The following KCNQ3 variants were observed in gnomAD, a reference collection of about 807,000 sequenced individuals.
KCNQ3 encodes potassium voltage-gated channel subfamily KQT member 3.
A neutral mutation model predicts 92.5 loss-of-function variants in KCNQ3; 30 were observed. The ratio of observed to expected loss-of-function variants is 0.32; its 90% CI spans 0.24 to 0.44. The LOEUF (loss-of-function observed/expected upper bound fraction) is 0.44, where lower values mean the gene tolerates loss of function less well. KCNQ3 is among the 20% of genes least tolerant of loss of function. The pLI, the probability that KCNQ3 is intolerant of heterozygous loss-of-function variation, is 1.00. For synonymous variants in KCNQ3, 450 were observed against 468.8 expected (o/e 0.96, Z 0.52); for missense variants, 913 against 1,140.3 (o/e 0.80, Z 2.87).
intron 12 of KCNQ3, 60 bp from the exon 13 acceptor site, chr8:132,134,448 C>G (rs576601038): frequency 8.9e-7 from 1 of 1,126,564 alleles, no homozygotes; most frequent in Non-Finnish European, 1.3e-6. Context: ...GACAGGAAAA[C>G]AAATCATTCT....
At chr8:132,393,638 A>G (rs1451514908) in intron 1 of KCNQ3, among the ~76,000 whole-genome samples, 1 of 152,156 alleles carries the variant, frequency 6.6e-6, no homozygotes, top group Non-Finnish European at 1.5e-5. Context: ...AAATTTATCA[A>G]TTTACCGCAT....
At chr8:132,345,681 C>T (rs770196222) in intron 1 of KCNQ3, among the ~76,000 whole-genome samples, 5 of 152,200 alleles carry the variant, frequency 3.3e-5, no homozygotes, top group Non-Finnish European at 5.9e-5. Flanking sequence ...CTCATTACCC[C>T]TATCTCTGAA....
intron 1 of KCNQ3, among the ~76,000 whole-genome samples, chr8:132,298,677 G>T (rs1227402940): frequency 1.3e-5 from 2 of 152,322 alleles, no homozygotes; most frequent in East Asian, 1.9e-4. Flanking sequence ...GGAGGCCAAG[G>T]CAGGCGATCA....
intron 1 of KCNQ3, among the ~76,000 whole-genome samples, chr8:132,226,438 G>T (rs2130356186): frequency 6.6e-6 from 1 of 152,166 alleles, no homozygotes. Flanking sequence ...CGTGTGTAGG[G>T]GAGTGGAGGC....
At chr8:132,185,975 T>A in intron 2 of KCNQ3, 116 bp downstream of exon 2, 1 of 787,230 alleles carries the variant, frequency 1.3e-6, no homozygotes, top group Non-Finnish European at 2.3e-6. Context: ...GGCCTGGACT[T>A]GACTGGAGAC....
intron 3 of KCNQ3, among the ~76,000 whole-genome samples, chr8:132,181,902 GGGCACGGT>G (rs1826791268): frequency 1.3e-5 from 2 of 152,010 alleles, no homozygotes; most frequent in African/African-American, 4.8e-5. Flanking sequence ...AAAATTAGCT[GGGCACGGT>G]GGTGGGTGCC....
intron 1 of KCNQ3, among the ~76,000 whole-genome samples, chr8:132,343,055 C>G (rs908472878): frequency 1.3e-5 from 2 of 152,196 alleles, no homozygotes; most frequent in African/African-American, 4.8e-5. Flanking sequence ...TACACTGAAT[C>G]CACAGCACAC....
intron 1 of KCNQ3, among the ~76,000 whole-genome samples, chr8:132,261,136 A>T (rs1389352363): frequency 2.6e-5 from 4 of 152,206 alleles, no homozygotes; most frequent in African/African-American, 9.6e-5. Flanking sequence ...AGAAACTGGG[A>T]CTAAGAATAT....
intron 1 of KCNQ3, among the ~76,000 whole-genome samples, chr8:132,256,350 C>G (rs1023490873): frequency 6.6e-6 from 1 of 151,858 alleles, no homozygotes; most frequent in Non-Finnish European, 1.5e-5. Flanking sequence ...GAATAGAGCC[C>G]TAGAGACCTG....
In KCNQ3 at chr8:132,303,580, G is replaced by A. The variant is rs199674408; in HGVS notation, c.387-117399C>T. ...AAGAAAATGTGATATATATATATAT[G>A]GTGTGTGTGTATATATATATGGTGT... is the stretch of plus-strand genomic sequence containing the variant. On this transcript the variant is annotated intron_variant, in intron 1 of 14. Transcript: ENST00000388996. Among the ~76,000 whole-genome samples, 13 of 17,204 alleles carry A rather than the reference G, an allele frequency of 7.6e-4. 1 individual carries two copies. Among genetic ancestry groups the A allele is most frequent in the Admixed American group, 1.0e-3 (1 of 974 alleles). The allele number at this position is 17,204 out of a possible 152,430, so 11.3% of individuals were successfully genotyped here.
In KCNQ3 at chr8:132,172,589, C is replaced by A; in HGVS notation, c.1140+9G>T. ...AATCCCATTCCAGTTCATTCCCAGG[C>A]AGACAGACCTGAATGAGCTCAGCAG... On this transcript the variant is annotated intron_variant, in intron 7 of 14. Coordinates refer to ENST00000388996, the MANE Select transcript of KCNQ3 (RefSeq NM_004519.4). 2 of 1,611,666 alleles carry A rather than the reference C, an allele frequency of 1.2e-6. No individual in the cohort carries two copies. The highest frequency in any genetic ancestry group is 1.7e-6 in the Non-Finnish European group (2 of 1,177,838).
chr8:132,275,581 CTTTTT>C (rs35090240), intron 1 of KCNQ3, among the ~76,000 whole-genome samples: 11 of 141,506 alleles, frequency 7.8e-5, no homozygotes, highest in Non-Finnish European at 1.7e-4. Context: ...CCAGTGAAAC[CTTTTT>C]TTTTTTTTTT....
At chr8:132,438,452 C>T (rs902744003) in intron 1 of KCNQ3, among the ~76,000 whole-genome samples, 2 of 152,114 alleles carry the variant, frequency 1.3e-5, no homozygotes, top group African/African-American at 4.8e-5. Context: ...CTATTATTTT[C>T]CTGAGGAAGA....
intron 1 of KCNQ3, among the ~76,000 whole-genome samples, chr8:132,442,270 A>G (rs949200967): frequency 1.3e-5 from 2 of 152,132 alleles, no homozygotes; most frequent in African/African-American, 4.8e-5. Context: ...CTTCCTCCAT[A>G]TGTATCTCAG....
At chr8:132,407,968 G>C (rs1200780807) in intron 1 of KCNQ3, among the ~76,000 whole-genome samples, 1 of 152,160 alleles carries the variant, frequency 6.6e-6, no homozygotes, top group Non-Finnish European at 1.5e-5. Flanking sequence ...GATGCTGGCT[G>C]ACTGGCAAAG....
rs112833660 is a variant in KCNQ3, at chr8:132,268,338, C to T, written c.387-82157G>A. ...GTCACCCAGCAGCGCGATCTTGGCT[C>T]ACTGCAACCTCTGCCTCGTGGGTTC... On this transcript the variant is annotated intron_variant, in intron 1 of 14. Coordinates refer to ENST00000388996, the MANE Select transcript of KCNQ3 (RefSeq NM_004519.4). Among the ~76,000 whole-genome samples, 585 of 152,292 alleles carry T rather than the reference C, an allele frequency of 3.8e-3. 4 individuals are homozygous for T. The highest frequency in any genetic ancestry group is 0.013 in the African/African-American group (558 of 41,554).
chr8:132,307,192 C>T (rs1034011357), intron 1 of KCNQ3, among the ~76,000 whole-genome samples: 6 of 152,310 alleles, frequency 3.9e-5, no homozygotes, highest in African/African-American at 1.2e-4. Flanking sequence ...GTAGCTTCAG[C>T]GCAGGGGAAA....
At chr8:132,143,926 C>T (rs1825375979) in intron 9 of KCNQ3, among the ~76,000 whole-genome samples, 1 of 152,176 alleles carries the variant, frequency 6.6e-6, no homozygotes, top group Non-Finnish European at 1.5e-5. Flanking sequence ...TGTCATTCTA[C>T]TCCACTTCCG....
intron 1 of KCNQ3, among the ~76,000 whole-genome samples, chr8:132,203,764 C>A (rs1000323001): frequency 1.3e-5 from 2 of 152,270 alleles, no homozygotes; most frequent in Non-Finnish European, 2.9e-5. Flanking sequence ...AATATGCCTC[C>A]ATTTCTCCAT....
Sources: gnomAD v4.1 joint callset for allele counts (sites outside exome capture counted in the v4.1 genomes callset) on GRCh38, gnomAD v4.1.1 for gene constraint, MANE v1.5 for transcripts, NCBI Gene and HGNC (gene_info 2026-07-23, HGNC 2026-07-21) for gene names.